Variants in MED15 observed in about 807,000 individuals in gnomAD.
The protein encoded by MED15 is mediator complex subunit 15.
Under a neutral mutation model 118.7 loss-of-function variants are expected in MED15, and 41 were observed. The observed-to-expected ratio is 0.35, with a 90% CI of 0.27 to 0.45. The LOEUF is 0.45. Among genes scored for constraint, MED15 ranks in the 20% least tolerant of loss-of-function variants. The pLI is 1.00. For missense variants in MED15, 740 were observed against 1,025.5 expected (o/e 0.72, Z 3.80); for synonymous variants, 436 against 413.9 (o/e 1.05, Z -0.65).
intron 2 of MED15, among the ~76,000 whole-genome samples, chr22:20,546,636 C>T (rs945264973): frequency 3.9e-5 from 6 of 151,954 alleles, no homozygotes; most frequent in Non-Finnish European, 8.8e-5. Context: ...AAGGAGTCCC[C>T]CCAAGGGCCA....
Position 20,511,398 on chromosome 22 carries a change from G to A in MED15, c.68+3652G>A, listed in dbSNP as rs920767156. The stretch of plus-strand genomic sequence containing the variant: ...TCCCAGCTACTCTGGAGGCTGAGGT[G>A]GGGGGATCGCTTGAGCCTGGGAGGT... On this transcript the variant is annotated intron_variant, in intron 1 of 17. Transcript: ENST00000263205. Among the ~76,000 whole-genome samples the A allele has an allele frequency of 3.3e-5, 5 of 151,812 alleles. 1 individual carries two copies. Among genetic ancestry groups the A allele is most frequent in the East Asian group, 1.9e-4 (1 of 5,168 alleles).
chr22:20,568,763 C>T, intron 8 of MED15, 132 bp downstream of exon 8: 2 of 1,423,418 alleles, frequency 1.4e-6, no homozygotes, highest in South Asian at 1.3e-5. Context: ...GGCTTCTCTC[C>T]CCCTTGCACT....
At chr22:20,527,177 C>T (rs1292866288) in intron 1 of MED15, among the ~76,000 whole-genome samples, 1 of 152,134 alleles carries the variant, frequency 6.6e-6, no homozygotes, top group African/African-American at 2.4e-5. Context: ...GAATCTCACT[C>T]CCTACACTTC....
Position 20,537,211 on chromosome 22 carries a change from C to T in MED15, c.156+7C>T, listed in dbSNP as rs762213627. 4 of 1,612,132 alleles carry T rather than the reference C, an allele frequency of 2.5e-6. No individual in the cohort carries two copies. The highest frequency in any genetic ancestry group is 8.5e-7 in the Non-Finnish European group (1 of 1,178,612). Reference sequence around the variant, plus strand: ...CCTGAAGGCCAAGACCCGGGTAAGGCCCTAGTAAGTGGAGCCACTCTGGCA... The same window carrying T: ...CCTGAAGGCCAAGACCCGGGTAAGGTCCTAGTAAGTGGAGCCACTCTGGCA... On this transcript the variant is annotated splice_region_variant and intron_variant, in intron 2 of 17. Transcript: ENST00000263205.
intron 1 of MED15, chr22:20,518,888 T>C (rs143938475): frequency 2.2e-6 from 1 of 453,448 alleles, no homozygotes; most frequent in African/African-American, 2.0e-5. Flanking sequence ...GGTCTCACTC[T>C]GTCACTCAGG....
intron 17 of MED15, 121 bp downstream of exon 17, chr22:20,585,947 C>A: frequency 2.3e-6 from 2 of 855,376 alleles, no homozygotes; most frequent in South Asian, 1.6e-5. Context: ...CAGCTCAGGC[C>A]CCTCCCTCCC....
At chr22:20,554,569 C>T (rs1047154132) in intron 4 of MED15, 4 of 180,636 alleles carry the variant, frequency 2.2e-5, no homozygotes, top group Non-Finnish European at 3.4e-5. Flanking sequence ...AAGGGCCCAT[C>T]GTGCTTTGTA....
At chr22:20,584,239 A>T in intron 13 of MED15, 120 bp from the exon 14 acceptor site, 1 of 990,568 alleles carries the variant, frequency 1.0e-6, no homozygotes, top group East Asian at 2.4e-5. Flanking sequence ...CAGCTGGTCA[A>T]CTGGTAGGAG....
chr22:20,535,877 T>C (rs1416774474), intron 1 of MED15, among the ~76,000 whole-genome samples: 5 of 22,972 alleles, frequency 2.2e-4, no homozygotes, highest in East Asian at 7.5e-4. Context: ...TCTTTCTTTT[T>C]TTTTTTTTTT....
intron 2 of MED15, among the ~76,000 whole-genome samples, chr22:20,546,442 C>T (rs2055538678): frequency 6.6e-6 from 1 of 150,748 alleles, no homozygotes; most frequent in Admixed American, 6.6e-5. Flanking sequence ...CCGATGGTTT[C>T]ATCATTTAAT....
At chr22:20,550,300 C>G (rs2055718203) in intron 2 of MED15, among the ~76,000 whole-genome samples, 1 of 152,188 alleles carries the variant, frequency 6.6e-6, no homozygotes, top group African/African-American at 2.4e-5. Flanking sequence ...GCCTTGGTGT[C>G]CCCTTGTTCT....
Position 20,582,521 on chromosome 22 carries a change from A to G in MED15, c.1273-90A>G, listed in dbSNP as rs1385851453. On this transcript the variant is annotated intron_variant, in intron 9 of 17. Coordinates refer to ENST00000263205, the MANE Select transcript of MED15 (RefSeq NM_001003891.3). ...CAGGTGTGTGGTGAGGCTGTGCGGG[A>G]GGATGGGCCTATGCGTGCGGTGGGC... The G allele has an allele frequency of 3.3e-6, 5 of 1,523,842 alleles. No homozygotes were observed. The South Asian group carries it at 6.0e-5, about 18-fold the overall frequency. The allele number at this position is 1,523,842 out of a possible 1,614,324, so 94.4% of individuals were successfully genotyped here.
intron 8 of MED15, among the ~76,000 whole-genome samples, chr22:20,571,670 C>T (rs556237571): frequency 6.6e-6 from 1 of 152,350 alleles, no homozygotes; most frequent in East Asian, 1.9e-4. Context: ...CCAATAGCAG[C>T]GCCCCCTGCT....
chr22:20,558,744 G>C (rs1459488742), intron 5 of MED15, among the ~76,000 whole-genome samples: 1 of 152,066 alleles, frequency 6.6e-6, no homozygotes, highest in East Asian at 1.9e-4. Flanking sequence ...ATTTGTGCTG[G>C]GTCCTGTGTC....
rs188360308 is a variant in MED15, at chr22:20,556,841, T to C, written c.451+1693T>C. 8.5e-5 allele frequency among the ~76,000 whole-genome samples: 13 copies of C among 152,332 alleles called. No homozygotes were observed. In the East Asian group the frequency reaches 2.3e-3, roughly 27 times the overall value. ...TGTAGTTCTGTCCCTTTGTGAATGT[T>C]GTATAAATGGAATCATACCATATGT... On this transcript the variant is annotated intron_variant, in intron 5 of 17. Transcript: ENST00000263205.
In MED15 at chr22:20,586,027, C is replaced by T. The variant is rs531156473; in HGVS notation, c.2230+201C>T. ...GTCGCCTGAGAGAAAAGGGTCTCTG[C>T]TCCCACTGTGTCCCTTCGCCCCTTC... On this transcript the variant is annotated intron_variant, in intron 17 of 17. Coordinates refer to ENST00000263205, the MANE Select transcript of MED15 (RefSeq NM_001003891.3). Among the ~76,000 whole-genome samples the T allele has an allele frequency of 8.2e-4, 125 of 152,364 alleles. 3 individuals are homozygous for T. The highest frequency in any genetic ancestry group is 8.2e-3 in the Admixed American group (125 of 15,310).
At chr22:20,575,318 C>T (rs1017571362) in intron 9 of MED15, 86 bp downstream of exon 9, 32 of 1,483,190 alleles carry the variant, frequency 2.2e-5, no homozygotes, top group Middle Eastern at 4.8e-4. Flanking sequence ...TCATTATCAT[C>T]GCCGGTGACT....
chr22:20,559,287 G>A (rs1298391824), intron 5 of MED15, among the ~76,000 whole-genome samples: 5 of 152,186 alleles, frequency 3.3e-5, no homozygotes, highest in South Asian at 2.1e-4. Flanking sequence ...ATTATTGAAC[G>A]AAGAAAGTGG....
At position 20,575,252 on chromosome 22, in the gene MED15, C is replaced by T; in HGVS notation, c.1272+20C>T. 6.2e-7 allele frequency: 1 copy of T among 1,611,210 alleles called. No homozygotes were observed. The highest frequency in any genetic ancestry group is 8.5e-7 in the Non-Finnish European group (1 of 1,179,404). ...GCACAGGTATTTACGGGGCAGCGCCCAGGGCACGGCTGGGAGCTCGGGGCG... is the reference window on the plus strand; with the variant it reads ...GCACAGGTATTTACGGGGCAGCGCCTAGGGCACGGCTGGGAGCTCGGGGCG... On this transcript the variant is annotated intron_variant, in intron 9 of 17. Transcript: ENST00000263205.
Sources: gnomAD v4.1 joint callset for allele counts (sites outside exome capture counted in the v4.1 genomes callset) on GRCh38, gnomAD v4.1.1 for gene constraint, MANE v1.5 for transcripts, NCBI Gene and HGNC (gene_info 2026-07-23, HGNC 2026-07-21) for gene names.